The following SURF4 variants were observed in gnomAD, a reference collection of about 807,000 sequenced individuals.
SURF4 encodes surfeit locus protein 4.
SURF4 carries 3 observed loss-of-function variants against 30.0 expected under a neutral mutation model. That is an observed-to-expected ratio of 0.10 (90% confidence interval 0.05 to 0.26). The LOEUF is 0.26. Among genes scored for constraint, SURF4 ranks in the 10% least tolerant of loss-of-function variants. The pLI is 1.00. For missense variants in SURF4, 217 were observed against 350.8 expected, an observed-to-expected ratio of 0.62 and a Z score of 3.05; for synonymous variants, 143 against 139.9, an observed-to-expected ratio of 1.02 and a Z score of -0.16.
At chr9:133,375,743 G>C (rs1312051584) in intron 1 of SURF4, among the ~76,000 whole-genome samples, 179 bp downstream of exon 1, 10 of 152,098 alleles carry the variant, frequency 6.6e-5, no homozygotes, top group Non-Finnish European at 1.2e-4. Flanking sequence ...ACTGGGCCCG[G>C]AGGCCGGGTT....
intron 1 of SURF4, among the ~76,000 whole-genome samples, chr9:133,373,194 G>C (rs1837609386): frequency 6.6e-6 from 1 of 151,494 alleles, no homozygotes. Context: ...AAGTCTAGGA[G>C]CCTGAGCAGG....
chr9:133,365,265 G>A (rs905621307), intron 4 of SURF4, among the ~76,000 whole-genome samples: 1 of 152,174 alleles, frequency 6.6e-6, no homozygotes, highest in Non-Finnish European at 1.5e-5. Context: ...ACTCGACAGT[G>A]ACAGGCTACC....
At chr9:133,375,482 G>A (rs900860732) in intron 1 of SURF4, 1 of 937,810 alleles carries the variant, frequency 1.1e-6, no homozygotes, top group South Asian at 4.9e-5. Context: ...CCCGGCCCCC[G>A]TTCGTCCCCG....
At position 133,363,367 on chromosome 9, in the gene SURF4, T is replaced by G. The variant is rs1836942952; in HGVS notation, c.*126A>C. On this transcript the variant is annotated 3_prime_UTR_variant, in exon 6 of 6. Transcript: ENST00000371989. The surrounding 1 kb of genome is among the most constrained non-coding windows in gnomAD (Gnocchi z 4.3). ...CTCTGCAAATAAAGTTCTCAAAACATCTGTGCCTTTACCAAGGGAGGGGAA... is the reference window on the plus strand; with the variant it reads ...CTCTGCAAATAAAGTTCTCAAAACAGCTGTGCCTTTACCAAGGGAGGGGAA... 1.4e-6 allele frequency: 2 copies of G among 1,455,024 alleles called. No individual in the cohort carries two copies. Among genetic ancestry groups the G allele is most frequent in the Non-Finnish European group, 1.9e-6 (2 of 1,050,344 alleles). 90.1% of individuals were successfully genotyped at this position (1,455,024 alleles called of 1,614,324 possible). A position where few individuals can be genotyped will look rare whatever the true frequency, so the allele number is the denominator to read the frequency against.
At chr9:133,375,135 C>T (rs1346867951) in intron 1 of SURF4, 4 of 799,404 alleles carry the variant, frequency 5.0e-6, no homozygotes, top group Non-Finnish European at 4.5e-6. Flanking sequence ...GGAGTTGTGT[C>T]CCTTCACTTT....
intron 1 of SURF4, among the ~76,000 whole-genome samples, chr9:133,368,155 C>T (rs139031298): frequency 2.6e-5 from 4 of 152,360 alleles, no homozygotes; most frequent in African/African-American, 2.4e-5. Context: ...AGACTTGACC[C>T]CAGCCTGCAG....
upstream of SURF4, among the ~76,000 whole-genome samples, chr9:133,377,469 C>T (rs1838010789): frequency 6.6e-6 from 1 of 152,160 alleles, no homozygotes; most frequent in Admixed American, 6.5e-5. Flanking sequence ...AGTTCAAGAC[C>T]AGCCTGACCA....
intron 5 of SURF4, among the ~76,000 whole-genome samples, chr9:133,364,617 G>A (rs2130105061): frequency 2.0e-5 from 3 of 152,054 alleles, no homozygotes; most frequent in Admixed American, 6.6e-5. Flanking sequence ...GCGTGAACCC[G>A]GGAGGCGGAA....
At position 133,362,285 on chromosome 9, in the gene SURF4, CAGGG is replaced by C. The variant is rs1836859450; in HGVS notation, c.*1204_*1207del. The C allele has an allele frequency of 6.6e-6, 1 of 152,576 alleles. No homozygotes were observed. The highest frequency in any genetic ancestry group is 1.5e-5 in the Non-Finnish European group (1 of 68,048). The allele number at this position is 152,576 out of a possible 1,614,324, so 9.5% of individuals were successfully genotyped here. On this transcript the variant is annotated 3_prime_UTR_variant, in exon 6 of 6. Coordinates refer to ENST00000371989, the MANE Select transcript of SURF4 (RefSeq NM_033161.4). ...GTGGCATTTACTATGGTGCAGACGA[CAGGG>C]AGCAACAAGCAGTTAAGCTCCCCCA...
intron 1 of SURF4, chr9:133,375,192 T>C: frequency 2.0e-6 from 2 of 985,186 alleles, no homozygotes; most frequent in Non-Finnish European, 2.4e-6. Context: ...TCTCAACAGT[T>C]ACCCAACCGC....
rs958892511 is a variant in SURF4, at chr9:133,365,908, G to A, written c.356+77C>T. ...GGTGCCCAAGATTTTTCCCATTTTG[G>A]AGCATTTCAGACTTTGGATTTGCAA... is the stretch of plus-strand genomic sequence containing the variant. On this transcript the variant is annotated intron_variant, in intron 4 of 5. Transcript: ENST00000371989. 7 of 1,437,640 alleles carry A rather than the reference G, an allele frequency of 4.9e-6. No individual in the cohort carries two copies. The African/African-American group carries it at 9.9e-5, about 20-fold the overall frequency. 89.1% of individuals were successfully genotyped at this position (1,437,640 alleles called of 1,614,324 possible).
chr9:133,366,052 A>C (rs2130122979), intron 3 of SURF4, 24 bp from the exon 4 acceptor site: 5 of 1,613,128 alleles, frequency 3.1e-6, no homozygotes, highest in Non-Finnish European at 4.2e-6. Flanking sequence ...AGAGAGAGAT[A>C]CTTGAGTCTC....
At chr9:133,366,766 G>A in intron 2 of SURF4, 91 bp from the exon 3 acceptor site, 4 of 1,243,706 alleles carry the variant, frequency 3.2e-6, no homozygotes, top group Middle Eastern at 2.2e-4. Flanking sequence ...TGGCCCTTAG[G>A]TCCAGAGGCA....
intron 5 of SURF4, among the ~76,000 whole-genome samples, chr9:133,364,244 GAAA>G (rs1352005092): frequency 6.6e-6 from 1 of 152,174 alleles, no homozygotes; most frequent in Admixed American, 6.5e-5. Flanking sequence ...AGTGAGGAAA[GAAA>G]GAAGAGTAAG....
At chr9:133,368,860 G>A (rs2130163750) in intron 1 of SURF4, among the ~76,000 whole-genome samples, 2 of 152,176 alleles carry the variant, frequency 1.3e-5, no homozygotes, top group Non-Finnish European at 2.9e-5. Flanking sequence ...ATCCACCAAC[G>A]CATGTTGGGA....
At chr9:133,365,924 G>C in intron 4 of SURF4, 61 bp downstream of exon 4, 2 of 1,529,086 alleles carry the variant, frequency 1.3e-6, no homozygotes, top group African/African-American at 1.4e-5. Context: ...TTCAGACTTT[G>C]GATTTGCAAT....
intron 1 of SURF4, chr9:133,370,853 G>C: frequency 7.8e-7 from 1 of 1,288,622 alleles, no homozygotes; most frequent in Non-Finnish European, 1.0e-6. Context: ...CAGGCTGCAG[G>C]AAGAAGATGA....
At chr9:133,365,113 A>G (rs2130114132) in intron 4 of SURF4, 87 bp from the exon 5 acceptor site, 40 of 1,264,638 alleles carry the variant, frequency 3.2e-5, no homozygotes, top group Non-Finnish European at 4.1e-5. Context: ...CCTTGCTGCC[A>G]GTATAAGAAG....
At chr9:133,371,507 T>C (rs1163968413) in intron 1 of SURF4, among the ~76,000 whole-genome samples, 1 of 152,192 alleles carries the variant, frequency 6.6e-6, no homozygotes, top group African/African-American at 2.4e-5. Flanking sequence ...ATCCCAACTA[T>C]AGGAAAGACG....
Sources: gnomAD v4.1 joint callset for allele counts (sites outside exome capture counted in the v4.1 genomes callset) on GRCh38, gnomAD v4.1.1 for gene constraint, Gnocchi (gnomAD v3.1) non-coding constraint, MANE v1.5 for transcripts, NCBI Gene and HGNC (gene_info 2026-07-23, HGNC 2026-07-21) for gene names.